MAST4: variants seen among roughly 807,000 people sequenced by gnomAD.
The protein encoded by MAST4 is microtubule-associated serine/threonine-protein kinase 4.
In MAST4, 89 loss-of-function variants were observed where a neutral mutation model predicts 162.7. The observed-to-expected ratio is 0.55, with a 90% CI of 0.46 to 0.65. MAST4 has a LOEUF of 0.65. MAST4 is among the 30% of genes least tolerant of loss of function. MAST4 has a pLI of 0.00. For missense variants in MAST4, 3,153 were observed against 3,374.0 expected (o/e 0.93, Z 1.62); for synonymous variants, 1,479 against 1,361.1 (o/e 1.09, Z -1.91).
intron 1 of MAST4, among the ~76,000 whole-genome samples, chr5:66,688,508 G>A (rs147476829): frequency 1.7e-3 from 260 of 152,248 alleles, no homozygotes; most frequent in Middle Eastern, 6.8e-3. Context: ...TTGAACTAGA[G>A]GGGGTGACTG....
In MAST4 at chr5:67,164,641, C is replaced by T. The variant is rs766409259; in HGVS notation, c.5462C>T (p.Pro1821Leu). The change falls in exon 29 of 29, where the codon CCT becomes CTT. Residue 1821 changes from proline (P) to leucine (L), a missense_variant. Transcript: ENST00000403625. The surrounding 1 kb of genome is among the most constrained non-coding windows in gnomAD (Gnocchi z 5.3). ...CCTCAGGCCTCCAAGACAGAACTGC[C>T]TTCCCCAGAGTCTGCACAGAGCCCC... The part of the protein sequence containing the change: ...SGPQASKTEL[P>L]SPESAQSPSP... The T allele has an allele frequency of 1.1e-4, 177 of 1,613,918 alleles. 1 individual carries two copies. In the East Asian group the frequency reaches 3.7e-3, roughly 34 times the overall value.
At chr5:66,682,787 A>T (rs2149486646) in intron 1 of MAST4, among the ~76,000 whole-genome samples, 1 of 152,366 alleles carries the variant, frequency 6.6e-6, no homozygotes, top group Admixed American at 6.5e-5. Context: ...TGTGTTGCCC[A>T]GACTGACCTC....
At chr5:66,834,833 G>A (rs1205784068) in intron 3 of MAST4, among the ~76,000 whole-genome samples, 2 of 152,132 alleles carry the variant, frequency 1.3e-5, no homozygotes, top group South Asian at 2.1e-4. Context: ...AGCACATGGC[G>A]CTCCTTTGAA....
chr5:67,134,283 T>A (rs1485694778), intron 17 of MAST4, among the ~76,000 whole-genome samples: 1 of 152,190 alleles, frequency 6.6e-6, no homozygotes, highest in African/African-American at 2.4e-5. Context: ...AATTTGAAAG[T>A]AAACATTACA....
chr5:66,597,112 G>A, intron 1 of MAST4, 94 bp downstream of exon 1: 1 of 1,263,780 alleles, frequency 7.9e-7, no homozygotes, highest in Non-Finnish European at 9.9e-7. Context: ...GGAGAGCGCT[G>A]TGGCCTGGAG....
intron 3 of MAST4, among the ~76,000 whole-genome samples, chr5:66,884,774 G>C (rs1761931204): frequency 6.6e-6 from 1 of 152,214 alleles, no homozygotes; most frequent in East Asian, 1.9e-4. Flanking sequence ...CAATTGCAAG[G>C]AAAGGTCAAT....
chr5:66,789,427 C>T (rs1458753380), intron 3 of MAST4, among the ~76,000 whole-genome samples: 1 of 152,136 alleles, frequency 6.6e-6, no homozygotes, highest in Non-Finnish European at 1.5e-5. Context: ...TCATGTGTTG[C>T]ATTAAATTGT....
At chr5:66,758,925 T>A (rs1242328329) in intron 1 of MAST4, among the ~76,000 whole-genome samples, 1 of 152,104 alleles carries the variant, frequency 6.6e-6, no homozygotes, top group Admixed American at 6.6e-5. Flanking sequence ...TAGACACATA[T>A]TCATATGTAC....
At chr5:66,608,271 G>A (rs999314173) in intron 1 of MAST4, among the ~76,000 whole-genome samples, 2 of 148,746 alleles carry the variant, frequency 1.3e-5, no homozygotes, top group African/African-American at 5.0e-5. Context: ...GGCCAGGCTG[G>A]TCTCAAGCTC....
chr5:67,133,945 C>T (rs1170430943), intron 17 of MAST4, among the ~76,000 whole-genome samples: 1 of 152,084 alleles, frequency 6.6e-6, no homozygotes, highest in African/African-American at 2.4e-5. Context: ...GTAAGGAATT[C>T]AGGAGTCTCA....
chr5:66,864,402 A>G (rs1760339626), intron 3 of MAST4, among the ~76,000 whole-genome samples: 1 of 152,132 alleles, frequency 6.6e-6, no homozygotes, highest in East Asian at 1.9e-4. Context: ...GCTGCAGTGA[A>G]GTAAGAGCCG....
chr5:66,829,870 A>C (rs553862432), intron 3 of MAST4, among the ~76,000 whole-genome samples: 2 of 150,702 alleles, frequency 1.3e-5, no homozygotes, highest in Admixed American at 6.6e-5. Context: ...TAGGCAACGA[A>C]AGGATTATTT....
chr5:66,750,636 G>T (rs1023406871), intron 1 of MAST4, among the ~76,000 whole-genome samples: 1 of 152,348 alleles, frequency 6.6e-6, no homozygotes. Context: ...ACCTGGCTCT[G>T]AGGGTCCTAC....
chr5:66,875,467 A>G (rs1761233086), intron 3 of MAST4, among the ~76,000 whole-genome samples: 1 of 152,244 alleles, frequency 6.6e-6, no homozygotes, highest in African/African-American at 2.4e-5. Context: ...TTACTTAATC[A>G]CCCTGAGAAA....
chr5:67,067,766 C>T (rs1023957212), intron 5 of MAST4, among the ~76,000 whole-genome samples: 1 of 152,190 alleles, frequency 6.6e-6, no homozygotes, highest in Non-Finnish European at 1.5e-5. Flanking sequence ...AGAACCACGG[C>T]AGTTCCAGAG....
In MAST4 at chr5:67,142,166, A is replaced by G. The variant is rs1490072154; in HGVS notation, c.2546A>G (p.Asn849Ser). ...CGATTCTTCCGTTCTTTAGACTGGA[A>G]CAGTTTGCTGAGACAGAAGGCAGAA... ...QHRFFRSLDWNSLLRQKAEFI... is the reference protein window; with the variant it reads ...QHRFFRSLDWSSLLRQKAEFI... The change falls in exon 20 of 29, where the codon AAC becomes AGC. Residue 849 changes from asparagine (N) to serine (S), a missense_variant. By Grantham distance (46) the Asn-to-Ser change is conservative (BLOSUM62 1). Around this residue, in one of 7 missense-constraint regions of MAST4, gnomAD observed 62 missense variants for 63.1 expected, o/e 0.98. Coordinates refer to ENST00000403625, the MANE Select transcript of MAST4 (RefSeq NM_001164664.2). The G allele has an allele frequency of 3.7e-6, 6 of 1,613,856 alleles. No individual in the cohort carries two copies. The highest frequency in any genetic ancestry group is 2.7e-5 in the African/African-American group (2 of 74,942).
chr5:66,876,046 T>A (rs1273718120), intron 3 of MAST4, among the ~76,000 whole-genome samples: 3 of 152,168 alleles, frequency 2.0e-5, no homozygotes, highest in Non-Finnish European at 1.5e-5. Context: ...GGATTACAGG[T>A]GTGAGCCACT....
intron 5 of MAST4, among the ~76,000 whole-genome samples, chr5:67,058,147 A>T (rs1391449210): frequency 1.3e-5 from 2 of 152,122 alleles, no homozygotes; most frequent in Non-Finnish European, 2.9e-5. Context: ...AGGTGAGAGG[A>T]TCGCCTGAGC....
intron 1 of MAST4, among the ~76,000 whole-genome samples, chr5:66,675,783 G>A (rs1747907770): frequency 6.6e-6 from 1 of 152,094 alleles, no homozygotes; most frequent in Non-Finnish European, 1.5e-5. Context: ...ATTTAATAGG[G>A]AATAAATATT....
Sources: gnomAD v4.1 joint callset for allele counts (sites outside exome capture counted in the v4.1 genomes callset) on GRCh38, gnomAD v4.1.1 for gene constraint, gnomAD v4.1.1 regional missense constraint, Gnocchi (gnomAD v3.1) non-coding constraint, MANE v1.5 for transcripts, NCBI Gene and HGNC (gene_info 2026-07-23, HGNC 2026-07-21) for gene names.